CENPS: variants seen among roughly 807,000 people sequenced by gnomAD.
The protein encoded by CENPS is FANCM associated histone fold protein 1.
A neutral mutation model predicts 17.9 loss-of-function variants in CENPS; 16 were observed. That is an observed-to-expected ratio of 0.90 (90% confidence interval 0.61 to 1.36). The LOEUF (loss-of-function observed/expected upper bound fraction) is 1.36, where lower values mean the gene tolerates loss of function less well. Ranked by LOEUF, CENPS falls within the 40% of genes most tolerant of loss-of-function variation. The probability of loss-of-function intolerance (pLI) is 0.00; values close to 1 mark genes in which losing one functional copy is unlikely to be tolerated. For synonymous variants in CENPS, 49 were observed against 55.8 expected (o/e 0.88, Z 0.54); for missense variants, 160 against 158.6 (o/e 1.01, Z -0.05).
intron 3 of CENPS, among the ~76,000 whole-genome samples, chr1:10,437,480 G>A (rs1363577837): frequency 4.0e-5 from 5 of 123,674 alleles, no homozygotes; most frequent in African/African-American, 1.5e-4. Context: ...GTTTTTAGAT[G>A]GAGTCTCACT....
chr1:10,431,840 C>CGAGACTCCGT (rs1223639400), intron 1 of CENPS, among the ~76,000 whole-genome samples: 4 of 105,700 alleles, frequency 3.8e-5, no homozygotes, highest in African/African-American at 9.7e-5. Context: ...GGTGACAGAG[C>CGAGACTCCGT]GAGACTCCAT....
At chr1:10,434,029 A>C in intron 2 of CENPS, 64 bp downstream of exon 2, 1 of 1,605,356 alleles carries the variant, frequency 6.2e-7, no homozygotes. Context: ...ACCTGGGAGC[A>C]GTGCGTGGGT....
intron 3 of CENPS, among the ~76,000 whole-genome samples, chr1:10,435,571 G>T (rs1343779997): frequency 6.6e-6 from 1 of 151,660 alleles, no homozygotes; most frequent in Non-Finnish European, 1.5e-5. Flanking sequence ...AGCTCATGTG[G>T]CTTAGTCATT....
intron 3 of CENPS, among the ~76,000 whole-genome samples, chr1:10,435,740 T>C (rs2478013): frequency 0.49 from 71,916 of 148,172 alleles, 17,517 homozygotes; most frequent in South Asian, 0.58. Flanking sequence ...CACACACATA[T>C]ACATAAATAT....
chr1:10,433,884 G>T lies in CENPS; in HGVS notation c.94G>T (p.Glu32Ter). ...TCACTATACTGTGGGTTGTCTTTGC[G>T]AGGAAGTTGCATTGGACAAAGAGAT... ...AVHYTVGCLCEEVALDKEMQF... is the reference protein window; with the variant it reads ...AVHYTVGCLC Residue 32 changes from glutamate (E) to a stop codon, truncating the protein, a stop_gained, in exon 2 of 5, where the codon GAG becomes TAG. Coordinates refer to ENST00000309048, the MANE Select transcript of CENPS (RefSeq NM_199294.3). LOFTEE classifies it high-confidence loss of function. 6.2e-7 allele frequency: 1 copy of T among 1,614,230 alleles called. No homozygotes were observed. Among genetic ancestry groups the T allele is most frequent in the Non-Finnish European group, 8.5e-7 (1 of 1,180,048 alleles).
intron 1 of CENPS, chr1:10,431,393 A>G: frequency 1.3e-5 from 20 of 1,535,344 alleles, no homozygotes; most frequent in Non-Finnish European, 1.5e-5. Context: ...GAAAAGTTGC[A>G]AGAACACGGT....
At chr1:10,438,200 A>G (rs936286063) in intron 3 of CENPS, among the ~76,000 whole-genome samples, 1 of 152,172 alleles carries the variant, frequency 6.6e-6, no homozygotes, top group Non-Finnish European at 1.5e-5. Context: ...GCTGGAGTGC[A>G]GTGGTGTGAT....
chr1:10,430,648 G>C, intron 1 of CENPS, 80 bp downstream of exon 1: 3 of 1,478,406 alleles, frequency 2.0e-6, no homozygotes, highest in Non-Finnish European at 2.7e-6. Context: ...GGCAGCCCCC[G>C]GCGGCTTCTC....
In CENPS at chr1:10,436,723, A is replaced by AAAAG. The variant is rs1212641287; in HGVS notation, c.209+2037_209+2040dup. 5.4e-4 allele frequency among the ~76,000 whole-genome samples: 55 copies of AAAAG among 101,604 alleles called. 2 individuals carry two copies. In the East Asian group the frequency reaches 0.013, roughly 24 times the overall value. The allele number at this position is 101,604 out of a possible 152,430, so 66.7% of individuals were successfully genotyped here. A position where few individuals can be genotyped will look rare whatever the true frequency, so the allele number is the denominator to read the frequency against. Reference sequence around the variant, plus strand: ...TCTGTCTCTTTAAAAAAAAAAAAAGAAAAGAAAAGAAAAAAAAAAGTTTGT... The same window carrying AAAAG: ...TCTGTCTCTTTAAAAAAAAAAAAAGAAAAGAAAGAAAAGAAAAAAAAAAGTTTGT... On this transcript the variant is annotated intron_variant, in intron 3 of 4. Coordinates refer to ENST00000309048, the MANE Select transcript of CENPS (RefSeq NM_199294.3).
chr1:10,439,702 C>T (rs1173692713), intron 3 of CENPS, among the ~76,000 whole-genome samples: 1 of 151,958 alleles, frequency 6.6e-6, no homozygotes, highest in Non-Finnish European at 1.5e-5. Context: ...GATCGTGCCA[C>T]TGCCCTCCAG....
chr1:10,430,812 C>A, intron 1 of CENPS: 1 of 1,348,542 alleles, frequency 7.4e-7, no homozygotes, highest in Non-Finnish European at 9.5e-7. Flanking sequence ...GTGCGGGCGC[C>A]GGGGTCCGGC....
chr1:10,430,848 C>A (rs901843710), intron 1 of CENPS: 2 of 1,324,858 alleles, frequency 1.5e-6, no homozygotes, highest in Admixed American at 3.9e-5. Context: ...TCTGGCCTTG[C>A]GATGAATCCT....
Position 10,442,653 on chromosome 1 carries a change from A to G in CENPS, c.*248A>G, listed in dbSNP as rs2847337. On this transcript the variant is annotated 3_prime_UTR_variant, in exon 5 of 5. Transcript: ENST00000309048. ...CAGAACATAAAAATGGTGTGTGATC[A>G]AATGGTATATATTAGAAATTACATC... The G allele has an allele frequency of 0.9, 420,868 of 468,052 alleles. 190,148 individuals are homozygous for G. Among genetic ancestry groups the G allele is most frequent in the Middle Eastern group, 0.96 (1,505 of 1,562 alleles). 29.0% of individuals were successfully genotyped at this position (468,052 alleles called of 1,614,324 possible).
chr1:10,431,958 TTG>T (rs750568176), intron 1 of CENPS, among the ~76,000 whole-genome samples: 5 of 148,520 alleles, frequency 3.4e-5, no homozygotes, highest in Non-Finnish European at 5.9e-5. Context: ...TGAATGTGCA[TTG>T]TCAAGTGCCC....
chr1:10,435,519 AG>A (rs1265535396), intron 3 of CENPS, among the ~76,000 whole-genome samples: 1 of 151,592 alleles, frequency 6.6e-6, no homozygotes, highest in African/African-American at 2.4e-5. Flanking sequence ...TAGCATCTTC[AG>A]CTTGGCCAAA....
At position 10,440,380 on chromosome 1, in the gene CENPS, T is replaced by A. The variant is rs751031592; in HGVS notation, c.243T>A (p.Asp81Glu). Residue 81 changes from aspartate (D) to glutamate (E), a missense_variant, in exon 4 of 5, where the codon GAT becomes GAA. Asp to Glu is a conservative substitution (Grantham distance 45). Coordinates refer to ENST00000309048, the MANE Select transcript of CENPS (RefSeq NM_199294.3). ...HAKRTTINTE[D>E]VKLLARRSNS... ...AAAGAACCACAATTAACACTGAAGATGTGAAGCTCTTAGCCAGGAGGAGTA... is the reference window on the plus strand; with the variant it reads ...AAAGAACCACAATTAACACTGAAGAAGTGAAGCTCTTAGCCAGGAGGAGTA... The A allele has an allele frequency of 2.5e-6, 4 of 1,613,930 alleles. No individual in the cohort carries two copies. The highest frequency in any genetic ancestry group is 1.7e-5 in the Admixed American group (1 of 59,956).
chr1:10,435,742 C>CACACACACACACAT (rs1355665711), intron 3 of CENPS, among the ~76,000 whole-genome samples: 5 of 150,486 alleles, frequency 3.3e-5, no homozygotes, highest in East Asian at 1.9e-4. Flanking sequence ...CACACATATA[C>CACACACACACACAT]ATAAATATTT....
chr1:10,434,609 A>G, intron 2 of CENPS, 48 bp from the exon 3 acceptor site: 1 of 1,600,554 alleles, frequency 6.2e-7, no homozygotes, highest in South Asian at 1.1e-5. Flanking sequence ...TGCTTCTGAA[A>G]TTAGATGGGA....
rs1013275857 is a variant in CENPS, at chr1:10,431,339, G to A, written c.51+771G>A. On this transcript the variant is annotated intron_variant, in intron 1 of 4. Coordinates refer to ENST00000309048, the MANE Select transcript of CENPS (RefSeq NM_199294.3). Reference sequence around the variant, plus strand: ...CTCTCTACAAAGTTACACTGCAGCAGCTGTCTACCCTGCCCCTTGTCTTTT... The same window carrying A: ...CTCTCTACAAAGTTACACTGCAGCAACTGTCTACCCTGCCCCTTGTCTTTT... 23 of 1,535,218 alleles carry A rather than the reference G, an allele frequency of 1.5e-5. No homozygotes were observed. In the African/African-American group the frequency reaches 3.0e-4, roughly 20 times the overall value.
Sources: gnomAD v4.1 joint callset for allele counts (sites outside exome capture counted in the v4.1 genomes callset) on GRCh38, gnomAD v4.1.1 for gene constraint, MANE v1.5 for transcripts, NCBI Gene and HGNC (gene_info 2026-07-23, HGNC 2026-07-21) for gene names.